Variants in NEDD4L observed in about 807,000 individuals in gnomAD.
The protein encoded by NEDD4L is E3 ubiquitin-protein ligase NEDD4-like.
In NEDD4L, 54 loss-of-function variants were observed where a neutral mutation model predicts 148.9. The observed-to-expected ratio is 0.36, with a 90% CI of 0.29 to 0.45. NEDD4L has a LOEUF of 0.45. Ranked by LOEUF, NEDD4L falls within the 20% of genes least tolerant of loss-of-function variation. The probability of loss-of-function intolerance (pLI) is 1.00; values close to 1 mark genes in which losing one functional copy is unlikely to be tolerated. For synonymous variants in NEDD4L, 433 were observed against 440.7 expected (o/e 0.98, Z 0.22); for missense variants, 856 against 1,233.8 (o/e 0.69, Z 4.59).
At chr18:58,383,382 C>G (rs897366915) in intron 25 of NEDD4L, 63 bp downstream of exon 25, 7 of 929,224 alleles carry the variant, frequency 7.5e-6, no homozygotes, top group Admixed American at 4.2e-5. Context: ...TGGTCACTGT[C>G]CCTTGCTGAA....
At chr18:58,378,213 A>G (rs1389507964) in intron 24 of NEDD4L, among the ~76,000 whole-genome samples, 1 of 152,158 alleles carries the variant, frequency 6.6e-6, no homozygotes, top group Non-Finnish European at 1.5e-5. Flanking sequence ...TCAGACATTG[A>G]AGTGGTTAGT....
rs2048575533 is a variant in NEDD4L at position 58,256,434 on chromosome 18, C to T, written c.297+4380C>T. 5.7e-6 allele frequency: 7 copies of T among 1,232,290 alleles called. No individual in the cohort carries two copies. Among genetic ancestry groups the T allele is most frequent in the African/African-American group, 1.5e-5 (1 of 64,554 alleles). 76.3% of individuals were successfully genotyped at this position (1,232,290 alleles called of 1,614,324 possible). On this transcript the variant is annotated intron_variant, in intron 5 of 30. Coordinates refer to ENST00000400345, the MANE Select transcript of NEDD4L (RefSeq NM_001144967.3). The surrounding 1 kb of genome is among the most constrained non-coding windows in gnomAD (Gnocchi z 5.2). ...GGCAGCGACCTCAACTTTGGCTTCACGGGCACAAAGGGGGACAGGTTGGTG... is the reference window on the plus strand; with the variant it reads ...GGCAGCGACCTCAACTTTGGCTTCATGGGCACAAAGGGGGACAGGTTGGTG...
chr18:58,081,372 C>G (rs1004980726), intron 1 of NEDD4L, among the ~76,000 whole-genome samples: 1 of 151,834 alleles, frequency 6.6e-6, no homozygotes, highest in Non-Finnish European at 1.5e-5. Context: ...CCTACCACCG[C>G]GCCCGGCTAA....
In NEDD4L at chr18:58,398,157, TAAAAAAAAAAAAAAAAAAAAAA is replaced by T. The variant is rs35545013; in HGVS notation, c.*1904_*1925del. On this transcript the variant is annotated 3_prime_UTR_variant, in exon 31 of 31. Coordinates refer to ENST00000400345, the MANE Select transcript of NEDD4L (RefSeq NM_001144967.3). ...TCAGAAAACTTAGATGCTATGTAAC[TAAAAAAAAAAAAAAAAAAAAAA>T]AAAAAAAAAAAAAAATTCCCGCTCA... 6.1e-4 allele frequency: 19 copies of T among 31,018 alleles called. No individual in the cohort carries two copies. Among genetic ancestry groups the T allele is most frequent in the South Asian group, 2.4e-3 (1 of 414 alleles). 1.9% of individuals were successfully genotyped at this position (31,018 alleles called of 1,614,324 possible).
At chr18:58,303,390 C>T (rs2056725086) in intron 5 of NEDD4L, among the ~76,000 whole-genome samples, 1 of 152,220 alleles carries the variant, frequency 6.6e-6, no homozygotes, top group Non-Finnish European at 1.5e-5. Flanking sequence ...CATTTCCTCT[C>T]TCATGTTCCT....
chr18:58,115,245 C>CTTTCT (rs566739353), intron 1 of NEDD4L, among the ~76,000 whole-genome samples: 5 of 129,526 alleles, frequency 3.9e-5, no homozygotes, highest in South Asian at 2.4e-4. Context: ...TTCTTTCTTT[C>CTTTCT]TTTTTTTTTT....
At chr18:58,352,607 C>T (rs140663768) in intron 18 of NEDD4L, among the ~76,000 whole-genome samples, 147 of 152,148 alleles carry the variant, frequency 9.7e-4, no homozygotes, top group African/African-American at 3.4e-3. Flanking sequence ...TGCGGTGAGA[C>T]AAGATCATAC....
At chr18:58,122,215 C>T (rs550484753) in intron 1 of NEDD4L, among the ~76,000 whole-genome samples, 4 of 152,176 alleles carry the variant, frequency 2.6e-5, no homozygotes, top group Non-Finnish European at 5.9e-5. Context: ...AAAACTCAAT[C>T]TAGGCCGGGT....
chr18:58,130,557 ATCTAGCGGAACTGTGGCG>A, intron 1 of NEDD4L, among the ~76,000 whole-genome samples: 4 of 113,416 alleles, frequency 3.5e-5, no homozygotes, highest in African/African-American at 7.3e-5. Context: ...TTTGGTTGTG[ATCTAGCGGAACTGTGGCG>A]GTGTTGGGCT....
chr18:58,340,516 G>T (rs542113193), intron 13 of NEDD4L, among the ~76,000 whole-genome samples: 1 of 152,254 alleles, frequency 6.6e-6, no homozygotes, highest in South Asian at 2.1e-4. Flanking sequence ...CTAGAGAAGG[G>T]GCTCTGTGTT....
chr18:58,399,790 A>C lies in NEDD4L; in HGVS notation c.*3521A>C, dbSNP rs2147176826. ...CATGAGCCACCGCACCCGGCCTCAC[A>C]GTGACAGATTCTGAGAAACAGCATG... On this transcript the variant is annotated 3_prime_UTR_variant, in exon 31 of 31. Transcript: ENST00000400345. The C allele has an allele frequency of 6.6e-6, 1 of 152,300 alleles. No individual in the cohort carries two copies. The highest frequency in any genetic ancestry group is 2.1e-4 in the South Asian group (1 of 4,818). 9.4% of individuals were successfully genotyped at this position (152,300 alleles called of 1,614,324 possible).
At position 58,391,551 on chromosome 18, in the gene NEDD4L, T is replaced by C; in HGVS notation, c.2817T>C (p.Ala939=). The C allele has an allele frequency of 6.4e-7, 1 of 1,569,996 alleles. No homozygotes were observed. Residue 939 remains alanine, a synonymous_variant, in exon 30 of 31, where the codon GCT becomes GCC. Coordinates refer to ENST00000400345, the MANE Select transcript of NEDD4L (RefSeq NM_001144967.3). ...QWGSPEKLPR[A]HTCFNRLDLP... ...GCAGTCCTGAGAAACTGCCCAGAGC[T>C]CACACATGGTGAGTGACAAAAACAC...
intron 5 of NEDD4L, among the ~76,000 whole-genome samples, chr18:58,289,053 T>G (rs2054322331): frequency 6.6e-6 from 1 of 152,236 alleles, no homozygotes; most frequent in African/African-American, 2.4e-5. Flanking sequence ...ACAAAGTCAA[T>G]CTGCATATTA....
chr18:58,311,177 A>G (rs886843239), intron 5 of NEDD4L, among the ~76,000 whole-genome samples: 2 of 152,210 alleles, frequency 1.3e-5, no homozygotes, highest in African/African-American at 4.8e-5. Context: ...ACACACATTT[A>G]TGTATGCATG....
At chr18:58,163,152 A>G (rs920408564) in intron 1 of NEDD4L, among the ~76,000 whole-genome samples, 1 of 152,132 alleles carries the variant, frequency 6.6e-6, no homozygotes, top group Admixed American at 6.5e-5. Context: ...ATCGTAGCGC[A>G]CTGCAGCCTT....
At chr18:58,257,308 G>GAGGTC (rs1326765613) in intron 5 of NEDD4L, among the ~76,000 whole-genome samples, 1 of 152,138 alleles carries the variant, frequency 6.6e-6, no homozygotes, top group African/African-American at 2.4e-5. Context: ...TTTGCTGCAG[G>GAGGTC]AGGTCAGGTC....
chr18:58,217,218 G>C (rs536770052), intron 2 of NEDD4L, among the ~76,000 whole-genome samples: 1 of 152,322 alleles, frequency 6.6e-6, no homozygotes, highest in South Asian at 2.1e-4. Context: ...ACCATGTGAG[G>C]AAATTCAAGC....
intron 24 of NEDD4L, among the ~76,000 whole-genome samples, chr18:58,374,693 C>A (rs1168840144): frequency 6.6e-6 from 1 of 151,678 alleles, no homozygotes; most frequent in Non-Finnish European, 1.5e-5. Flanking sequence ...TCACTCCCCC[C>A]AGAGACACCT....
intron 5 of NEDD4L, among the ~76,000 whole-genome samples, chr18:58,311,899 G>T (rs1440695318): frequency 1.3e-5 from 2 of 152,148 alleles, no homozygotes; most frequent in Non-Finnish European, 2.9e-5. Context: ...TAGCCCCCGG[G>T]CTTCAGGTCC....
Sources: gnomAD v4.1 joint callset for allele counts (sites outside exome capture counted in the v4.1 genomes callset) on GRCh38, gnomAD v4.1.1 for gene constraint, Gnocchi (gnomAD v3.1) non-coding constraint, MANE v1.5 for transcripts, NCBI Gene and HGNC (gene_info 2026-07-23, HGNC 2026-07-21) for gene names.